The following NBAS variants were observed in gnomAD, a reference collection of about 807,000 sequenced individuals.
NBAS encodes NAG/BC035112 fusion.
NBAS carries 219 observed loss-of-function variants against 302.5 expected under a neutral mutation model. The ratio of observed to expected loss-of-function variants is 0.72; its 90% CI spans 0.65 to 0.81. The LOEUF (loss-of-function observed/expected upper bound fraction) is 0.81. Ranked by LOEUF, NBAS falls within the 30% of genes least tolerant of loss-of-function variation. The pLI is 0.00. For missense variants in NBAS, 2,932 were observed against 2,841.6 expected, an observed-to-expected ratio of 1.03 and a Z score of -0.72; for synonymous variants, 1,118 against 1,021.6, an observed-to-expected ratio of 1.09 and a Z score of -1.80.
At chr2:14,813,228 G>C in the NBAS span, among the ~76,000 whole-genome samples, 1 of 152,126 alleles carries the variant, frequency 6.6e-6, no homozygotes, top group Non-Finnish European at 1.5e-5. Context: ...TGAAAATGTG[G>C]AAGCAACCTT....
At chr2:15,256,458 G>A (rs1187959375) in intron 44 of NBAS, among the ~76,000 whole-genome samples, 1 of 152,118 alleles carries the variant, frequency 6.6e-6, no homozygotes. Context: ...TGAGTCGTTA[G>A]GGTTTTCAAG....
At chr2:15,447,039 A>T (rs1445043598) in intron 21 of NBAS, among the ~76,000 whole-genome samples, 1 of 152,208 alleles carries the variant, frequency 6.6e-6, no homozygotes, top group Non-Finnish European at 1.5e-5. Context: ...CAAAACAAAT[A>T]CCAAAAACGG....
chr2:15,322,743 C>G (rs1467936616), intron 38 of NBAS, among the ~76,000 whole-genome samples: 1 of 152,160 alleles, frequency 6.6e-6, no homozygotes, highest in East Asian at 1.9e-4. Flanking sequence ...AATTTTTAAT[C>G]TGTGTCATTT....
the NBAS span, among the ~76,000 whole-genome samples, chr2:14,843,312 G>C: frequency 6.6e-6 from 1 of 152,004 alleles, no homozygotes; most frequent in Non-Finnish European, 1.5e-5. Flanking sequence ...TGGAAGTCCT[G>C]GCTACAGCAA....
chr2:15,281,255 T>C lies in NBAS; in HGVS notation c.5139-4154A>G, dbSNP rs866060626. Among the ~76,000 whole-genome samples the C allele has an allele frequency of 2.0e-5, 3 of 152,214 alleles. No homozygotes were observed. The South Asian group carries it at 6.2e-4, about 31-fold the overall frequency. ...AAGCCTTTTAATTTCTCATAGAATG[T>C]CAATTCTGACTTGTTTATATACTTC... On this transcript the variant is annotated intron_variant, in intron 42 of 51. Coordinates refer to ENST00000281513, the MANE Select transcript of NBAS (RefSeq NM_015909.4).
intron 12 of NBAS, among the ~76,000 whole-genome samples, chr2:15,479,583 T>A (rs1457748988): frequency 1.3e-5 from 2 of 152,180 alleles, no homozygotes; most frequent in Admixed American, 1.3e-4. Flanking sequence ...TTTAAGGACA[T>A]ACAGATCAAA....
chr2:15,166,975 C>T lies in NBAS; in HGVS notation c.*73G>A, dbSNP rs1280477839. Reference sequence around the variant, plus strand: ...AACCATGGAGAACAATCGGCAGATACACATGTTGCTTCTGGGAACAGCATT... The same window carrying T: ...AACCATGGAGAACAATCGGCAGATATACATGTTGCTTCTGGGAACAGCATT... On this transcript the variant is annotated 3_prime_UTR_variant, in exon 52 of 52. Transcript: ENST00000281513. 1.1e-5 allele frequency: 16 copies of T among 1,479,310 alleles called. No homozygotes were observed. The highest frequency in any genetic ancestry group is 1.4e-5 in the Non-Finnish European group (15 of 1,107,312). The allele number at this position is 1,479,310 out of a possible 1,614,324, so 91.6% of individuals were successfully genotyped here.
At chr2:15,099,963 C>A in the NBAS span, among the ~76,000 whole-genome samples, 2 of 152,160 alleles carry the variant, frequency 1.3e-5, no homozygotes, top group Admixed American at 6.5e-5. Flanking sequence ...ACTATTAGAA[C>A]ACATGTAGTA....
intron 21 of NBAS, among the ~76,000 whole-genome samples, chr2:15,454,675 C>T (rs916027293): frequency 1.3e-5 from 2 of 152,152 alleles, no homozygotes; most frequent in African/African-American, 4.8e-5. Context: ...CTACCAGCTA[C>T]TTCAGTTCAC....
intron 21 of NBAS, among the ~76,000 whole-genome samples, chr2:15,438,022 T>A (rs927793634): frequency 9.9e-5 from 15 of 152,204 alleles, no homozygotes; most frequent in African/African-American, 3.6e-4. Context: ...CGGCTGACAG[T>A]CAACCTCTGG....
At position 15,468,305 on chromosome 2, in the gene NBAS, T is replaced by G. The variant is rs975606695; in HGVS notation, c.1877+77A>C. 5.2e-6 allele frequency: 8 copies of G among 1,534,796 alleles called. No homozygotes were observed. In the African/African-American group the frequency reaches 1.1e-4, roughly 21 times the overall value. On this transcript the variant is annotated intron_variant, in intron 17 of 51. Coordinates refer to ENST00000281513, the MANE Select transcript of NBAS (RefSeq NM_015909.4). Reference sequence around the variant, plus strand: ...AGAATAACTTAAATAAAGAAAAGTTTACCCAGTCCAATGTCTCAGTACAAA... The same window carrying G: ...AGAATAACTTAAATAAAGAAAAGTTGACCCAGTCCAATGTCTCAGTACAAA...
the NBAS span, among the ~76,000 whole-genome samples, chr2:14,839,905 G>A: frequency 6.6e-6 from 1 of 151,760 alleles, no homozygotes; most frequent in Non-Finnish European, 1.5e-5. Flanking sequence ...AGTAAATGCA[G>A]AACCATGACT....
intron 50 of NBAS, among the ~76,000 whole-genome samples, chr2:15,183,105 T>C (rs1664906990): frequency 1.3e-5 from 2 of 152,194 alleles, no homozygotes; most frequent in African/African-American, 4.8e-5. Context: ...TAAAACATTG[T>C]AGAACTCTGA....
chr2:15,207,902 A>T (rs1666220889), intron 48 of NBAS, among the ~76,000 whole-genome samples: 1 of 152,208 alleles, frequency 6.6e-6, no homozygotes, highest in African/African-American at 2.4e-5. Context: ...ACTAACACAA[A>T]ATTGATTTCA....
intron 21 of NBAS, among the ~76,000 whole-genome samples, chr2:15,440,320 G>C (rs193039810): frequency 6.6e-6 from 1 of 152,162 alleles, no homozygotes; most frequent in Admixed American, 6.5e-5. Context: ...ACTTCCAGAG[G>C]AATGATCAGA....
intron 32 of NBAS, among the ~76,000 whole-genome samples, chr2:15,364,692 T>C (rs1245810383): frequency 6.6e-6 from 1 of 152,094 alleles, no homozygotes; most frequent in Non-Finnish European, 1.5e-5. Context: ...TGTAAAGCCC[T>C]ATATCAGCCC....
chr2:14,847,150 G>A, the NBAS span, among the ~76,000 whole-genome samples: 640 of 152,140 alleles, frequency 4.2e-3, 1 homozygote, highest in Middle Eastern at 0.038. Flanking sequence ...TTCAGAGGCC[G>A]AGGTGGGTAG....
At chr2:15,442,304 C>A (rs2148517048) in intron 21 of NBAS, among the ~76,000 whole-genome samples, 1 of 148,928 alleles carries the variant, frequency 6.7e-6, no homozygotes, top group Middle Eastern at 3.4e-3. Flanking sequence ...CAAACTATCT[C>A]TCAGACCACA....
chr2:15,071,702 A>T, the NBAS span, among the ~76,000 whole-genome samples: 1 of 151,420 alleles, frequency 6.6e-6, no homozygotes, highest in Non-Finnish European at 1.5e-5. Context: ...TTTATATGGT[A>T]GCAAAGGATG....
Sources: allele counts gnomAD v4.1 joint callset (sites outside exome capture counted in the v4.1 genomes callset), GRCh38; gene constraint gnomAD v4.1.1; transcripts MANE v1.5; gene names NCBI Gene and HGNC (gene_info 2026-07-23, HGNC 2026-07-21).